PMS1: variants seen among roughly 807,000 people sequenced by gnomAD.
PMS1 encodes the protein PMS1 homolog 1, mismatch repair system component.
Under a neutral mutation model 93.1 loss-of-function variants are expected in PMS1, and 79 were observed. The ratio of observed to expected loss-of-function variants is 0.85; its 90% CI spans 0.71 to 1.02. The LOEUF (loss-of-function observed/expected upper bound fraction) is 1.02, where lower values mean the gene tolerates loss of function less well. Among genes scored for constraint, PMS1 ranks in the 50% least tolerant of loss-of-function variants. The pLI, the probability that PMS1 is intolerant of heterozygous loss-of-function variation, is 0.00. For missense variants in PMS1, 1,064 were observed against 1,085.3 expected, an observed-to-expected ratio of 0.98 and a Z score of 0.28; for synonymous variants, 335 against 363.4, an observed-to-expected ratio of 0.92 and a Z score of 0.89.
At chr2:189,809,125 G>C (rs750312916) in intron 4 of PMS1, among the ~76,000 whole-genome samples, 1 of 152,100 alleles carries the variant, frequency 6.6e-6, no homozygotes, top group Non-Finnish European at 1.5e-5. Context: ...GTGATTGTGC[G>C]TGTATTAAAA....
At chr2:189,847,934 T>A (rs1444208745) in intron 6 of PMS1, among the ~76,000 whole-genome samples, 1 of 152,226 alleles carries the variant, frequency 6.6e-6, no homozygotes, top group East Asian at 1.9e-4. Context: ...GGATGGAAGC[T>A]TGTACTCAGG....
At chr2:189,829,582 T>A (rs899933782) in intron 5 of PMS1, among the ~76,000 whole-genome samples, 1 of 152,212 alleles carries the variant, frequency 6.6e-6, no homozygotes, top group Non-Finnish European at 1.5e-5. Flanking sequence ...TAAATCCTGA[T>A]TAAATCCATC....
At chr2:189,803,564 G>C (rs1191485078) in intron 3 of PMS1, among the ~76,000 whole-genome samples, 1 of 152,176 alleles carries the variant, frequency 6.6e-6, no homozygotes, top group Non-Finnish European at 1.5e-5. Context: ...TACTGTTAGA[G>C]ATGCTCCTGA....
At position 189,854,896 on chromosome 2, in the gene PMS1, A is replaced by G; in HGVS notation, c.1624A>G (p.Asn542Asp). 1 of 1,595,120 alleles carries G rather than the reference A, an allele frequency of 6.3e-7. No homozygotes were observed. The highest frequency in any genetic ancestry group is 8.6e-7 in the Non-Finnish European group (1 of 1,163,740). The part of the protein sequence containing the change: ...NYPIPEQMNL[N>D]EDSCNKKSNV... ...TCCAATCCCTGAACAAATGAATCTT[A>G]ATGAAGATTCATGTAACAAAAAATC... Residue 542 changes from asparagine (N) to aspartate (D), a missense_variant, in exon 9 of 13, where the codon AAT becomes GAT. Asn to Asp is a conservative substitution (Grantham distance 23). Transcript: ENST00000441310.
At chr2:189,864,603 C>G (rs256566) in intron 10 of PMS1, among the ~76,000 whole-genome samples, 9,125 of 128,914 alleles carry the variant, frequency 0.071, 479 homozygotes, top group African/African-American at 0.16. Flanking sequence ...TTGCAGTGAG[C>G]TGAGACGGTG....
chr2:189,838,664 AGT>A (rs1401925508), intron 5 of PMS1, among the ~76,000 whole-genome samples: 1 of 152,080 alleles, frequency 6.6e-6, no homozygotes, highest in Admixed American at 6.6e-5. Context: ...CTCCTACCAG[AGT>A]GTTGGTTCTG....
At chr2:189,793,467 A>T (rs1001462290) in intron 2 of PMS1, among the ~76,000 whole-genome samples, 5 of 152,222 alleles carry the variant, frequency 3.3e-5, no homozygotes, top group African/African-American at 1.2e-4. Flanking sequence ...TAAGCTTTAT[A>T]AACGAGAAAA....
At chr2:189,851,937 A>G (rs2054778398) in intron 6 of PMS1, among the ~76,000 whole-genome samples, 1 of 152,164 alleles carries the variant, frequency 6.6e-6, no homozygotes, top group African/African-American at 2.4e-5. Flanking sequence ...AAGTGGGAGC[A>G]TGTTCTCTGC....
chr2:189,815,418 G>A (rs2051207458), intron 4 of PMS1, among the ~76,000 whole-genome samples: 1 of 152,172 alleles, frequency 6.6e-6, no homozygotes, highest in African/African-American at 2.4e-5. Flanking sequence ...TATGTGTTTA[G>A]AGAAGGTGGT....
At chr2:189,873,908 C>T (rs928773960) in intron 12 of PMS1, among the ~76,000 whole-genome samples, 7 of 152,158 alleles carry the variant, frequency 4.6e-5, no homozygotes, top group Non-Finnish European at 4.4e-5. Context: ...CATCCCCACC[C>T]GCCAACTGGA....
intron 1 of PMS1, among the ~76,000 whole-genome samples, chr2:189,789,798 C>T (rs1391503031): frequency 6.6e-6 from 1 of 152,110 alleles, no homozygotes; most frequent in African/African-American, 2.4e-5. Context: ...TGAGTCCACC[C>T]CCAGCCCCCA....
At chr2:189,813,108 G>T (rs1205019172) in intron 4 of PMS1, among the ~76,000 whole-genome samples, 3 of 152,122 alleles carry the variant, frequency 2.0e-5, no homozygotes, top group African/African-American at 7.2e-5. Flanking sequence ...GGAGGGAAAG[G>T]ACTTGACATA....
chr2:189,850,250 T>G (rs558579960), intron 6 of PMS1, among the ~76,000 whole-genome samples: 41 of 152,222 alleles, frequency 2.7e-4, no homozygotes, highest in Non-Finnish European at 5.4e-4. Flanking sequence ...AACTTCTTGG[T>G]GTTGTGGAGG....
At chr2:189,875,587 G>C (rs2057492754) in intron 12 of PMS1, among the ~76,000 whole-genome samples, 1 of 152,090 alleles carries the variant, frequency 6.6e-6, no homozygotes, top group African/African-American at 2.4e-5. Context: ...TCGTATGATA[G>C]TGAATAGTGA....
chr2:189,855,900 C>T (rs2055277478), intron 9 of PMS1: 2 of 1,057,206 alleles, frequency 1.9e-6, no homozygotes, highest in Non-Finnish European at 2.4e-6. Context: ...TGAAATTATA[C>T]CTCCAATCAT....
chr2:189,829,856 T>C (rs577116362), intron 5 of PMS1, among the ~76,000 whole-genome samples: 23 of 152,318 alleles, frequency 1.5e-4, no homozygotes, highest in Admixed American at 1.2e-3. Flanking sequence ...TGTCTGTGAC[T>C]ACCACTGTGG....
chr2:189,828,148 T>C (rs1368160456), intron 5 of PMS1, among the ~76,000 whole-genome samples: 1 of 152,058 alleles, frequency 6.6e-6, no homozygotes, highest in African/African-American at 2.4e-5. Flanking sequence ...ATGGTCTCGA[T>C]CTCCTGACCT....
At chr2:189,857,108 G>T (rs1298341130) in intron 9 of PMS1, among the ~76,000 whole-genome samples, 1 of 152,062 alleles carries the variant, frequency 6.6e-6, no homozygotes. Context: ...ATAAGATATT[G>T]TGTGTTATGA....
chr2:189,818,794 C>T (rs1344458557), intron 5 of PMS1, among the ~76,000 whole-genome samples: 3 of 152,126 alleles, frequency 2.0e-5, no homozygotes, highest in Admixed American at 6.5e-5. Flanking sequence ...TTCCTTTTAT[C>T]GGGTGCTGTG....
Sources: allele counts gnomAD v4.1 joint callset (sites outside exome capture counted in the v4.1 genomes callset), GRCh38; gene constraint gnomAD v4.1.1; transcripts MANE v1.5; gene names NCBI Gene and HGNC (gene_info 2026-07-23, HGNC 2026-07-21).